The following CDH24 variants were observed in gnomAD, a reference collection of about 807,000 sequenced individuals.
The protein encoded by CDH24 is cadherin 24.
In CDH24, 61 loss-of-function variants were observed where a neutral mutation model predicts 71.2. The ratio of observed to expected loss-of-function variants is 0.86; its 90% CI spans 0.70 to 1.06. The LOEUF is 1.06. CDH24 is among the 50% of genes least tolerant of loss of function. The pLI is 0.00. For synonymous variants in CDH24, 440 were observed against 470.2 expected (o/e 0.94, Z 0.83); for missense variants, 961 against 1,083.7 (o/e 0.89, Z 1.59).
chr14:23,054,134 G>A lies in CDH24; in HGVS notation c.972+7C>T, dbSNP rs753229920. On this transcript the variant is annotated splice_region_variant and intron_variant, in intron 6 of 12. Transcript: ENST00000487137. The surrounding 1 kb of genome is among the most constrained non-coding windows in gnomAD (Gnocchi z 5.2). ...TAAGAGAAAGCATTAACAGGCAGGA[G>A]GCTAACCTTGCGGACAGTGAGGAGC... 1.9e-6 allele frequency: 3 copies of A among 1,584,242 alleles called. No homozygotes were observed. The highest frequency in any genetic ancestry group is 1.1e-5 in the South Asian group (1 of 88,614).
rs781520751 is a variant in CDH24, at chr14:23,047,991, G to C, written c.2335C>G (p.Pro779Ala). ...GCCAGCCCGGGCGCTCAGGGGGCCG[G>C]GGGCTCCTTGGCCCCATACAGCTCG... ...LAELYGAKEP[P>A]AP Residue 779 changes from proline (P) to alanine (A), a missense_variant, in exon 12 of 13, where the codon CCG (proline) becomes GCG (alanine). This residue lies in a region of CDH24 where 290 missense variants were observed against 272.8 expected (regional missense o/e 1.06). Coordinates refer to ENST00000487137, the MANE Select transcript of CDH24 (RefSeq NM_144985.4). 5.1e-6 allele frequency: 7 copies of C among 1,369,786 alleles called. No individual in the cohort carries two copies. Among genetic ancestry groups the C allele is most frequent in the South Asian group, 3.2e-5 (2 of 61,774 alleles). 84.9% of individuals were successfully genotyped at this position (1,369,786 alleles called of 1,614,324 possible). A position where few individuals can be genotyped will look rare whatever the true frequency, so the allele number is the denominator to read the frequency against.
rs2047115395 is a variant in CDH24, at chr14:23,054,933, G to GA, written c.497-68_497-67insT. ...GGATGGGGAAGAACAACCGATGGGG[G>GA]GGGATGCAGATACGAGGGAGGCTGA... On this transcript the variant is annotated intron_variant, in intron 3 of 12. Transcript: ENST00000487137. The surrounding 1 kb of genome is among the most constrained non-coding windows in gnomAD (Gnocchi z 5.2). 6.2e-7 allele frequency: 1 copy of GA among 1,604,590 alleles called. No individual in the cohort carries two copies. The highest frequency in any genetic ancestry group is 1.3e-5 in the African/African-American group (1 of 74,882).
intron 6 of CDH24, 123 bp from the exon 7 acceptor site, chr14:23,053,872 G>A (rs1207679670): frequency 9.6e-7 from 1 of 1,045,154 alleles, no homozygotes; most frequent in African/African-American, 1.6e-5. Flanking sequence ...TGTGAGGAGA[G>A]GTGGCACTGG....
In CDH24 at chr14:23,055,863, G is replaced by T; in HGVS notation, c.-124-6C>A. The T allele has an allele frequency of 1.3e-6, 1 of 744,032 alleles. No individual in the cohort carries two copies. Among genetic ancestry groups the T allele is most frequent in the Non-Finnish European group, 2.1e-6 (1 of 467,954 alleles). The allele number at this position is 744,032 out of a possible 1,614,324, so 46.1% of individuals were successfully genotyped here. On this transcript the variant is annotated splice_polypyrimidine_tract_variant and splice_region_variant and intron_variant, in intron 1 of 12. Coordinates refer to ENST00000487137, the MANE Select transcript of CDH24 (RefSeq NM_144985.4). The surrounding 1 kb of genome is among the most constrained non-coding windows in gnomAD (Gnocchi z 4.1). ...GCTACCCCATGGATCCACACCTGCA[G>T]GACAAGCAGCTGCTCAGGCTCAAGG...
At chr14:23,050,556 TGTAGTACA>T (rs2047078957) in intron 8 of CDH24, among the ~76,000 whole-genome samples, 1 of 151,330 alleles carries the variant, frequency 6.6e-6, no homozygotes, top group African/African-American at 2.4e-5. Context: ...TCTGGGAGGC[TGTAGTACA>T]GCAGTGAGCA....
intron 11 of CDH24, 137 bp downstream of exon 11, chr14:23,048,890 A>G: frequency 1.1e-6 from 1 of 942,726 alleles, no homozygotes; most frequent in Non-Finnish European, 1.6e-6. Context: ...TCTTGGATGC[A>G]TCAGGTGGTG....
chr14:23,050,198 G>A, intron 8 of CDH24: 1 of 430,296 alleles, frequency 2.3e-6, no homozygotes. Flanking sequence ...CCGCACCCAT[G>A]ATACACATAT....
In CDH24 at chr14:23,049,239, G is replaced by C. The variant is rs762021060; in HGVS notation, c.1634C>G (p.Ala545Gly). 1.9e-6 allele frequency: 3 copies of C among 1,577,020 alleles called. No individual in the cohort carries two copies. Among genetic ancestry groups the C allele is most frequent in the Non-Finnish European group, 2.6e-6 (3 of 1,160,796 alleles). Residue 545 changes from alanine (A) to glycine (G), a missense_variant, in exon 11 of 13, where the codon GCT (alanine) becomes GGT (glycine). By Grantham distance (60) the Ala-to-Gly change is moderately conservative (BLOSUM62 0). Coordinates refer to ENST00000487137, the MANE Select transcript of CDH24 (RefSeq NM_144985.4). ...SASLLLPSRP[A>G]PPRHAPYLVP... ...CAAGTAGGGGGCATGGCGGGGTGGA[G>C]CAGGGCGGGAGGGCAGCAGCAGGCT...
Position 23,055,607 on chromosome 14 carries a change from G to C in CDH24, c.127C>G (p.Arg43Gly), listed in dbSNP as rs746293541. The C allele has an allele frequency of 2.5e-6, 4 of 1,613,830 alleles. No homozygotes were observed. The highest frequency in any genetic ancestry group is 2.2e-5 in the South Asian group (2 of 91,060). ...AACTGGTTCCAGACCCAGCTCCTTC[G>C]AGTCCGCAGCAGAGCAGGCCCTGGG... ...EHPGPALLRT[R>G]RSWVWNQFFV... Residue 43 changes from arginine (R) to glycine (G), a missense_variant, in exon 2 of 13, where the codon CGA becomes GGA. By Grantham distance (125) the Arg-to-Gly change is moderately radical. This residue lies in a region of CDH24 where 671 missense variants were observed against 810.9 expected (regional missense o/e 0.83). Transcript: ENST00000487137. This position sits in a 1 kb window ranked among gnomAD's most constrained non-coding sequence, Gnocchi z 4.1.
At position 23,048,000 on chromosome 14, in the gene CDH24, T is replaced by A. The variant is rs772311249; in HGVS notation, c.2326A>T (p.Lys776Ter). 25 of 1,398,544 alleles carry A rather than the reference T, an allele frequency of 1.8e-5. No homozygotes were observed. Among genetic ancestry groups the A allele is most frequent in the Non-Finnish European group, 2.3e-5 (25 of 1,079,938 alleles). 86.6% of individuals were successfully genotyped at this position (1,398,544 alleles called of 1,614,324 possible). A position where few individuals can be genotyped will look rare whatever the true frequency, so the allele number is the denominator to read the frequency against. ...GGCGCTCAGGGGGCCGGGGGCTCCT[T>A]GGCCCCATACAGCTCGGCCAGGGTG... The part of the protein sequence containing the change: ...FRTLAELYGA[K>*]EPPAP Residue 776 changes from lysine (K) to a stop codon, truncating the protein, a stop_gained, in exon 12 of 13, where the codon AAG (lysine) becomes TAG (stop). Transcript: ENST00000487137. LOFTEE classifies it high-confidence loss of function.
rs765496989 is a variant in CDH24, at chr14:23,054,575, GC to G, written c.714del (p.Leu239CysfsTer7). The G allele has an allele frequency of 1.9e-6, 3 of 1,613,964 alleles. No homozygotes were observed. Among genetic ancestry groups the G allele is most frequent in the Non-Finnish European group, 2.5e-6 (3 of 1,179,964 alleles). Reference protein sequence around the residue: ...QAKDMGGHMGGLSGSTTVTVT... With the variant: ...QAKDMGGHMGXLSGSTTVTVT... Reference sequence around the variant, plus strand: ...ACAGTCACCGTAGTGCTGCCTGACAGCCCCCCCATGTGGCCGCCCATGTCCT... The same window carrying G: ...ACAGTCACCGTAGTGCTGCCTGACAGCCCCCCATGTGGCCGCCCATGTCCT... On this transcript the variant is annotated frameshift_variant, in exon 5 of 13. Transcript: ENST00000487137. LOFTEE classifies it high-confidence loss of function. The surrounding 1 kb of genome is among the most constrained non-coding windows in gnomAD (Gnocchi z 5.2).
At chr14:23,048,896 T>G in intron 11 of CDH24, 131 bp downstream of exon 11, 2 of 1,004,532 alleles carry the variant, frequency 2.0e-6, no homozygotes, top group Non-Finnish European at 2.9e-6. Context: ...ATGCATCAGG[T>G]GGTGGGAAAA....
At chr14:23,052,383 T>C (rs917959900) in intron 8 of CDH24, 90 bp downstream of exon 8, 23 of 1,394,284 alleles carry the variant, frequency 1.6e-5, no homozygotes, top group African/African-American at 4.2e-5. Flanking sequence ...GAGGGTGCGA[T>C]GGCAGTTAGC....
chr14:23,055,436 A>G lies in CDH24; in HGVS notation c.202-83T>C. 1 of 1,584,266 alleles carries G rather than the reference A, an allele frequency of 6.3e-7. No homozygotes were observed. The highest frequency in any genetic ancestry group is 1.7e-5 in the Admixed American group (1 of 58,526). Reference sequence around the variant, plus strand: ...GTCTAGGTTTGGGTAGAGCGTTGGGAGTCCTGAGGGACCAAGGTCATTGCA... The same window carrying G: ...GTCTAGGTTTGGGTAGAGCGTTGGGGGTCCTGAGGGACCAAGGTCATTGCA... On this transcript the variant is annotated intron_variant, in intron 2 of 12. Coordinates refer to ENST00000487137, the MANE Select transcript of CDH24 (RefSeq NM_144985.4). This position sits in a 1 kb window ranked among gnomAD's most constrained non-coding sequence, Gnocchi z 4.1.
Position 23,048,101 on chromosome 14 carries a change from G to A in CDH24, c.2225C>T (p.Ser742Phe). 3.5e-6 allele frequency: 5 copies of A among 1,410,078 alleles called. No homozygotes were observed. The South Asian group carries it at 5.8e-5, about 16-fold the overall frequency. 87.3% of individuals were successfully genotyped at this position (1,410,078 alleles called of 1,614,324 possible). ...GRGSSCGSLS[S>F]LGSGSEAGGA... is the part of the protein sequence containing the mutation. ...GCCGGCTTCGCTGCCGGAGCCCAGGGAGCTGAGGGAGCCGCAAGAGGAGCC... is the reference window on the plus strand; with the variant it reads ...GCCGGCTTCGCTGCCGGAGCCCAGGAAGCTGAGGGAGCCGCAAGAGGAGCC... The change falls in exon 12 of 13, where the codon TCC becomes TTC. Residue 742 changes from serine (S) to phenylalanine (F), a missense_variant. By Grantham distance (155) the Ser-to-Phe change is radical. Around this residue, in one of 2 missense-constraint regions of CDH24, gnomAD observed 290 missense variants for 272.8 expected, o/e 1.06. Coordinates refer to ENST00000487137, the MANE Select transcript of CDH24 (RefSeq NM_144985.4).
chr14:23,053,844 T>G (rs1168703266), intron 6 of CDH24, 95 bp from the exon 7 acceptor site: 1 of 1,256,008 alleles, frequency 8.0e-7, no homozygotes, highest in Non-Finnish European at 1.1e-6. Context: ...CTCACATGCA[T>G]GCAGTGCTCA....
At position 23,057,370 on chromosome 14, in the gene CDH24, T is replaced by A. The variant is rs1259342680; in HGVS notation, c.-125+33A>T. On this transcript the variant is annotated intron_variant, in intron 1 of 12. Coordinates refer to ENST00000487137, the MANE Select transcript of CDH24 (RefSeq NM_144985.4). This position sits in a 1 kb window ranked among gnomAD's most constrained non-coding sequence, Gnocchi z 5.4. The stretch of plus-strand genomic sequence containing the variant: ...GGCCCCCTCCTACCCCTCCGCGGAT[T>A]CCCGACCCCTGCTCCGGGGCAGGCG... The A allele has an allele frequency of 6.6e-6, 1 of 151,446 alleles. No individual in the cohort carries two copies. The highest frequency in any genetic ancestry group is 1.5e-5 in the Non-Finnish European group (1 of 67,814). 9.4% of individuals were successfully genotyped at this position (151,446 alleles called of 1,614,324 possible). A position where few individuals can be genotyped will look rare whatever the true frequency, so the allele number is the denominator to read the frequency against.
rs867134254 is a variant in CDH24, at chr14:23,049,225, C to A, written c.1648G>T (p.Ala550Ser). ...LPSRPAPPRH[A>S]PYLVPIELWD... ...AGTTCTATGGGAACCAAGTAGGGGG[C>A]ATGGCGGGGTGGAGCAGGGCGGGAG... Residue 550 changes from alanine (A) to serine (S), a missense_variant, in exon 11 of 13, where the codon GCC (alanine) becomes TCC (serine). Around this residue, in one of 2 missense-constraint regions of CDH24, gnomAD observed 671 missense variants for 810.9 expected, o/e 0.83. Coordinates refer to ENST00000487137, the MANE Select transcript of CDH24 (RefSeq NM_144985.4). 6.4e-7 allele frequency: 1 copy of A among 1,574,284 alleles called. No individual in the cohort carries two copies. The highest frequency in any genetic ancestry group is 8.6e-7 in the Non-Finnish European group (1 of 1,159,180).
rs2047142497 is a variant in CDH24 at position 23,057,158 on chromosome 14, T to G, written c.-125+245A>C. 2.1e-5 allele frequency among the ~76,000 whole-genome samples: 3 copies of G among 145,616 alleles called. No homozygotes were observed. Among genetic ancestry groups the G allele is most frequent in the African/African-American group, 2.6e-5 (1 of 39,068 alleles). ...AAGGACAAGAGGGAGAGGGAAGGGTTGGGGAGACAGAGGGAAGGGATAAGG... is the reference window on the plus strand; with the variant it reads ...AAGGACAAGAGGGAGAGGGAAGGGTGGGGGAGACAGAGGGAAGGGATAAGG... On this transcript the variant is annotated intron_variant, in intron 1 of 12. Transcript: ENST00000487137. This position sits in a 1 kb window ranked among gnomAD's most constrained non-coding sequence, Gnocchi z 5.4.
Sources: allele counts gnomAD v4.1 joint callset (sites outside exome capture counted in the v4.1 genomes callset), GRCh38; gene constraint gnomAD v4.1.1; regional missense constraint gnomAD v4.1.1; non-coding constraint Gnocchi (gnomAD v3.1); transcripts MANE v1.5; gene names NCBI Gene and HGNC (gene_info 2026-07-23, HGNC 2026-07-21).